Variants in DLG2 observed in about 807,000 individuals in gnomAD.
DLG2 encodes disks large homolog 2.
A neutral mutation model predicts 132.5 loss-of-function variants in DLG2; 45 were observed. That is an observed-to-expected ratio of 0.34 (90% CI 0.27 to 0.44). The LOEUF (loss-of-function observed/expected upper bound fraction) is 0.44. Among genes scored for constraint, DLG2 ranks in the 20% least tolerant of loss-of-function variants. DLG2 has a pLI of 1.00. For synonymous variants in DLG2, 424 were observed against 419.6 expected, an observed-to-expected ratio of 1.01 and a Z score of -0.13; for missense variants, 1,045 against 1,196.9, an observed-to-expected ratio of 0.87 and a Z score of 1.87.
At chr11:85,477,767 A>G (rs2093185489) in intron 3 of DLG2, among the ~76,000 whole-genome samples, 1 of 152,228 alleles carries the variant, frequency 6.6e-6, no homozygotes, top group Non-Finnish European at 1.5e-5. Context: ...AAGATATTTC[A>G]AACTATCTCA....
At chr11:84,877,336 C>A (rs569343996) in intron 6 of DLG2, among the ~76,000 whole-genome samples, 1 of 151,924 alleles carries the variant, frequency 6.6e-6, no homozygotes, top group Non-Finnish European at 1.5e-5. Context: ...CTTTTTAAGT[C>A]TCTAAGAACT....
intron 18 of DLG2, among the ~76,000 whole-genome samples, chr11:83,635,788 C>A (rs2064663577): frequency 6.6e-6 from 1 of 152,152 alleles, no homozygotes; most frequent in Non-Finnish European, 1.5e-5. Context: ...ACTCCCTTAT[C>A]ATTAGATATT....
chr11:85,490,005 A>C (rs989822914), intron 3 of DLG2, among the ~76,000 whole-genome samples: 1 of 152,102 alleles, frequency 6.6e-6, no homozygotes, highest in Non-Finnish European at 1.5e-5. Context: ...TTGGACAACA[A>C]AGCAAGATCC....
chr11:83,725,104 G>A, intron 18 of DLG2: 1 of 547,014 alleles, frequency 1.8e-6, no homozygotes, highest in Non-Finnish European at 3.3e-6. Flanking sequence ...TTTGAAAGAT[G>A]GGATTATTTT....
chr11:84,690,557 A>T (rs1478797298), intron 6 of DLG2, among the ~76,000 whole-genome samples: 2 of 151,934 alleles, frequency 1.3e-5, no homozygotes, highest in Non-Finnish European at 2.9e-5. Context: ...AAAAAATTTT[A>T]ATTCCTTTTA....
intron 6 of DLG2, among the ~76,000 whole-genome samples, chr11:84,642,155 A>G (rs975675595): frequency 8.1e-6 from 1 of 124,144 alleles, no homozygotes; most frequent in Non-Finnish European, 1.9e-5. Context: ...TTAAAAAAAG[A>G]CAGGTTGATT....
intron 21 of DLG2, among the ~76,000 whole-genome samples, chr11:83,522,252 C>G (rs781543420): frequency 4.9e-4 from 74 of 152,114 alleles, no homozygotes; most frequent in Non-Finnish European, 8.5e-4. Flanking sequence ...CATTTGAATA[C>G]CTGTTAAGAC....
intron 7 of DLG2, among the ~76,000 whole-genome samples, chr11:84,502,345 TCTTTCTTTCTTTCTTTC>T: frequency 2.2e-5 from 1 of 45,124 alleles, no homozygotes; most frequent in Non-Finnish European, 3.9e-5. Flanking sequence ...TTTCTTTCTT[TCTTTCTTTCTTTCTTTC>T]TTTCTTTCTT....
chr11:85,292,006 A>T (rs2078926156), intron 3 of DLG2, among the ~76,000 whole-genome samples: 1 of 152,182 alleles, frequency 6.6e-6, no homozygotes, highest in Non-Finnish European at 1.5e-5. Context: ...TCAGCTGGAC[A>T]GTATAGCACA....
intron 7 of DLG2, chr11:84,272,369 T>C (rs1054453598): frequency 4.8e-5 from 19 of 396,950 alleles, no homozygotes; most frequent in Admixed American, 2.8e-4. Context: ...AGGTACCAAA[T>C]AAATTTTAGC....
In DLG2 at chr11:83,588,039, C is replaced by T. The variant is rs183528103; in HGVS notation, c.1940+45172G>A. Among the ~76,000 whole-genome samples, 316 of 152,194 alleles carry T rather than the reference C, an allele frequency of 2.1e-3. 1 individual carries two copies. Among genetic ancestry groups the T allele is most frequent in the African/African-American group, 7.4e-3 (306 of 41,512 alleles). On this transcript the variant is annotated intron_variant, in intron 19 of 27. Transcript: ENST00000376104. ...AGCAGTCTGAGATCAAACTGCAAGG[C>T]GGCAGCGAGGCTAGGGGAGGGGCGC...
At chr11:85,611,234 G>A (rs1184852198) in intron 2 of DLG2, among the ~76,000 whole-genome samples, 1 of 152,164 alleles carries the variant, frequency 6.6e-6, no homozygotes, top group African/African-American at 2.4e-5. Flanking sequence ...AGTGTCAGAG[G>A]CTATCAAGAT....
intron 6 of DLG2, among the ~76,000 whole-genome samples, chr11:85,059,311 G>T (rs1451811744): frequency 6.6e-6 from 1 of 151,354 alleles, no homozygotes; most frequent in East Asian, 1.9e-4. Context: ...ATACATTGCT[G>T]GTGGGAGTAT....
At chr11:83,714,100 TAACAA>T (rs2086129663) in intron 18 of DLG2, among the ~76,000 whole-genome samples, 2 of 152,192 alleles carry the variant, frequency 1.3e-5, no homozygotes, top group South Asian at 2.1e-4. Flanking sequence ...GTTTTGTTCT[TAACAA>T]AACAGAAACA....
intron 7 of DLG2, among the ~76,000 whole-genome samples, chr11:84,497,917 A>G (rs1360323274): frequency 1.3e-5 from 2 of 152,148 alleles, no homozygotes; most frequent in Admixed American, 1.3e-4. Context: ...TATGGCTTGT[A>G]ACCAACTGGC....
At chr11:83,624,958 G>T (rs2153441693) in intron 19 of DLG2, among the ~76,000 whole-genome samples, 1 of 152,146 alleles carries the variant, frequency 6.6e-6, no homozygotes, top group African/African-American at 2.4e-5. Flanking sequence ...AGTTACCTTT[G>T]CCCCCACTAA....
chr11:84,965,279 G>T (rs949362609), intron 6 of DLG2, among the ~76,000 whole-genome samples: 9 of 151,336 alleles, frequency 5.9e-5, no homozygotes, highest in East Asian at 1.9e-4. Context: ...CTGGGTTTTT[G>T]TGTGTGTGTG....
At chr11:84,290,268 A>G (rs1232734951) in intron 7 of DLG2, among the ~76,000 whole-genome samples, 1 of 152,086 alleles carries the variant, frequency 6.6e-6, no homozygotes, top group Non-Finnish European at 1.5e-5. Context: ...CGCCTTTTAG[A>G]TTTCATTGAC....
chr11:84,084,217 G>A (rs2096942175), intron 10 of DLG2, among the ~76,000 whole-genome samples: 2 of 152,186 alleles, frequency 1.3e-5, no homozygotes, highest in African/African-American at 4.8e-5. Flanking sequence ...GTAAGAAGGA[G>A]CTGGGGCTAG....
Sources: allele counts gnomAD v4.1 joint callset (sites outside exome capture counted in the v4.1 genomes callset), GRCh38; gene constraint gnomAD v4.1.1; transcripts MANE v1.5; gene names NCBI Gene and HGNC (gene_info 2026-07-23, HGNC 2026-07-21).